Variants in EHBP1 observed in about 807,000 individuals in gnomAD.
EHBP1 encodes the protein EH domain-binding protein 1.
In EHBP1, 55 loss-of-function variants were observed where a neutral mutation model predicts 144.0. That is an observed-to-expected ratio of 0.38 (90% CI 0.31 to 0.48). The LOEUF is 0.48. Ranked by LOEUF, EHBP1 falls within the 20% of genes least tolerant of loss-of-function variation. EHBP1 has a pLI of 0.98. For missense variants in EHBP1, 1,200 were observed against 1,364.2 expected, an observed-to-expected ratio of 0.88 and a Z score of 1.90; for synonymous variants, 469 against 472.7, an observed-to-expected ratio of 0.99 and a Z score of 0.10.
At chr2:62,808,840 CGTAA>C (rs1326536837) in intron 5 of EHBP1, among the ~76,000 whole-genome samples, 5 of 152,192 alleles carry the variant, frequency 3.3e-5, no homozygotes, top group Non-Finnish European at 5.9e-5. Context: ...TTATGAACTT[CGTAA>C]GTGTTTCTCA....
At chr2:63,029,735 A>G (rs916724135) in intron 19 of EHBP1, among the ~76,000 whole-genome samples, 3 of 151,996 alleles carry the variant, frequency 2.0e-5, no homozygotes, top group Admixed American at 6.6e-5. Context: ...AACAAAAGCT[A>G]TATTTTTTGT....
intron 2 of EHBP1, among the ~76,000 whole-genome samples, chr2:62,734,997 C>A (rs986351822): frequency 2.0e-5 from 3 of 152,134 alleles, no homozygotes; most frequent in Admixed American, 2.0e-4. Context: ...ACCACCTGGG[C>A]TCAAGCAGTC....
intron 12 of EHBP1, among the ~76,000 whole-genome samples, chr2:62,946,504 A>G (rs948663510): frequency 2.0e-5 from 3 of 152,138 alleles, no homozygotes; most frequent in Non-Finnish European, 4.4e-5. Flanking sequence ...AATTACTTCT[A>G]GCTTCACACA....
chr2:62,692,129 C>A (rs569807760), intron 1 of EHBP1, among the ~76,000 whole-genome samples: 2 of 152,252 alleles, frequency 1.3e-5, no homozygotes, highest in Admixed American at 1.3e-4. Flanking sequence ...AGTAATCATA[C>A]AATATGTGTC....
At chr2:62,908,531 T>G (rs775256153) in intron 10 of EHBP1, among the ~76,000 whole-genome samples, 3 of 152,196 alleles carry the variant, frequency 2.0e-5, no homozygotes, top group Non-Finnish European at 4.4e-5. Context: ...AGACCTTTAT[T>G]CTTTTTTAAT....
rs144871280 is a variant in EHBP1 at position 62,842,250 on chromosome 2, C to G, written c.634+11092C>G. On this transcript the variant is annotated intron_variant, in intron 7 of 22. Transcript: ENST00000431489. ...CACAGGCGTGTGCCACCACACTCAG[C>G]TAATTTTTGTATTTTTAGTAGAGAT... is the stretch of plus-strand genomic sequence containing the variant. Among the ~76,000 whole-genome samples, 343 of 152,228 alleles carry G rather than the reference C, an allele frequency of 2.3e-3. 1 individual carries two copies. Among genetic ancestry groups the G allele is most frequent in the African/African-American group, 7.7e-3 (321 of 41,528 alleles).
At chr2:62,917,268 G>A (rs757892122) in intron 10 of EHBP1, among the ~76,000 whole-genome samples, 4 of 152,150 alleles carry the variant, frequency 2.6e-5, no homozygotes, top group Non-Finnish European at 5.9e-5. Context: ...ATTCCAGCCT[G>A]AGCAGCAGAG....
At chr2:62,693,685 T>A (rs1239936536) in intron 1 of EHBP1, among the ~76,000 whole-genome samples, 1 of 152,198 alleles carries the variant, frequency 6.6e-6, no homozygotes, top group Non-Finnish European at 1.5e-5. Flanking sequence ...TTAACTATAG[T>A]CACCCTACTG....
At chr2:62,949,304 G>A in intron 13 of EHBP1, 142 bp downstream of exon 13, 3 of 721,014 alleles carry the variant, frequency 4.2e-6, no homozygotes, top group South Asian at 5.5e-5. Flanking sequence ...ATGTAGTAAT[G>A]TGTGCCTAAG....
intron 7 of EHBP1, among the ~76,000 whole-genome samples, chr2:62,854,797 C>T (rs1174209638): frequency 6.6e-6 from 1 of 152,186 alleles, no homozygotes; most frequent in Non-Finnish European, 1.5e-5. Context: ...GTCATGCCTG[C>T]TACAGCAGGG....
rs2038943660 is a variant in EHBP1, at chr2:62,744,061, C to A, written c.105-3334C>A. On this transcript the variant is annotated intron_variant, in intron 2 of 22. Transcript: ENST00000431489. Reference sequence around the variant, plus strand: ...TAAATGCACAATTTCCTTCCTTGAACAAGCCAACCAAAAGGCCTCAAATTT... The same window carrying A: ...TAAATGCACAATTTCCTTCCTTGAAAAAGCCAACCAAAAGGCCTCAAATTT... 2.0e-5 allele frequency among the ~76,000 whole-genome samples: 3 copies of A among 152,068 alleles called. No homozygotes were observed. The South Asian group carries it at 6.2e-4, about 31-fold the overall frequency.
chr2:62,767,044 T>G (rs1428284484), intron 4 of EHBP1, among the ~76,000 whole-genome samples: 1 of 151,026 alleles, frequency 6.6e-6, no homozygotes, highest in African/African-American at 2.4e-5. Flanking sequence ...CTGGGGTTAA[T>G]GAGGGAGAGG....
intron 1 of EHBP1, among the ~76,000 whole-genome samples, chr2:62,682,251 G>T (rs1316305940): frequency 3.9e-5 from 6 of 152,156 alleles, no homozygotes; most frequent in African/African-American, 1.2e-4. Context: ...GTTTACTAGG[G>T]TGTGTTATAA....
chr2:62,940,146 G>T, intron 10 of EHBP1: 1 of 403,438 alleles, frequency 2.5e-6, no homozygotes, highest in South Asian at 2.0e-5. Flanking sequence ...TGTGGTAAAG[G>T]TTCTAAGACA....
chr2:63,022,440 G>A (rs1318869564), intron 19 of EHBP1, among the ~76,000 whole-genome samples: 1 of 151,834 alleles, frequency 6.6e-6, no homozygotes, highest in Non-Finnish European at 1.5e-5. Flanking sequence ...TCAGCCTCCC[G>A]AGTAGCTGGG....
intron 14 of EHBP1, among the ~76,000 whole-genome samples, chr2:62,973,874 C>T (rs2058599193): frequency 6.6e-6 from 1 of 152,068 alleles, no homozygotes; most frequent in Admixed American, 6.5e-5. Flanking sequence ...TGGCACACAC[C>T]TGTGGTCCCA....
At chr2:62,822,916 A>C (rs1014175506) in intron 5 of EHBP1, among the ~76,000 whole-genome samples, 1 of 152,186 alleles carries the variant, frequency 6.6e-6, no homozygotes, top group Non-Finnish European at 1.5e-5. Context: ...TTTTTATAAC[A>C]ATGAGAATAG....
chr2:62,727,187 C>G (rs1476832211), intron 2 of EHBP1, among the ~76,000 whole-genome samples: 1 of 152,120 alleles, frequency 6.6e-6, no homozygotes, highest in Admixed American at 6.5e-5. Flanking sequence ...AAAATTATGT[C>G]TTCCCCATCC....
At chr2:63,041,303 A>G (rs1574593114) in intron 21 of EHBP1, among the ~76,000 whole-genome samples, 1 of 152,324 alleles carries the variant, frequency 6.6e-6, no homozygotes, top group Admixed American at 6.5e-5. Context: ...GCTAACAAAC[A>G]TCTTTTAGAT....
Sources: gnomAD v4.1 joint callset for allele counts (sites outside exome capture counted in the v4.1 genomes callset) on GRCh38, gnomAD v4.1.1 for gene constraint, MANE v1.5 for transcripts, NCBI Gene and HGNC (gene_info 2026-07-23, HGNC 2026-07-21) for gene names.